The following OPCML variants were observed in gnomAD, a reference collection of about 807,000 sequenced individuals.
The protein encoded by OPCML is opioid-binding protein/cell adhesion molecule.
A neutral mutation model predicts 37.8 loss-of-function variants in OPCML; 13 were observed. That is an observed-to-expected ratio of 0.34 (90% CI 0.22 to 0.55). The LOEUF (loss-of-function observed/expected upper bound fraction) is 0.55, where lower values mean the gene tolerates loss of function less well. OPCML is among the 20% of genes least tolerant of loss of function. The pLI, the probability that OPCML is intolerant of heterozygous loss-of-function variation, is 0.91. For synonymous variants in OPCML, 176 were observed against 168.8 expected, an observed-to-expected ratio of 1.04 and a Z score of -0.33; for missense variants, 341 against 435.6, an observed-to-expected ratio of 0.78 and a Z score of 1.93.
chr11:133,413,745 C>T (rs904047062), intron 1 of OPCML, among the ~76,000 whole-genome samples: 2 of 152,140 alleles, frequency 1.3e-5, no homozygotes, highest in African/African-American at 4.8e-5. Context: ...ACTTTATGCT[C>T]CTAGAACTGT....
At chr11:133,200,331 G>T (rs908055801) in intron 1 of OPCML, among the ~76,000 whole-genome samples, 8 of 152,142 alleles carry the variant, frequency 5.3e-5, no homozygotes, top group Non-Finnish European at 1.0e-4. Context: ...TTATTTGGGG[G>T]CAGAAGAGAA....
At chr11:132,798,586 G>A (rs983169745) in intron 2 of OPCML, among the ~76,000 whole-genome samples, 4 of 152,198 alleles carry the variant, frequency 2.6e-5, no homozygotes, top group South Asian at 2.1e-4. Flanking sequence ...TGCTGTTTCA[G>A]CACATTTGCA....
rs551143442 is a variant in OPCML at position 133,063,345 on chromosome 11, C to T, written c.62-120335G>A. ...TTAAACCCAACAGACTAGACAGCCT[C>T]CCATGGGGTCAGAAAGGAGGAAAGC... is the stretch of plus-strand genomic sequence containing the variant. On this transcript the variant is annotated intron_variant, in intron 1 of 7. Coordinates refer to ENST00000524381, the MANE Select transcript of OPCML (RefSeq NM_001012393.5). Among the ~76,000 whole-genome samples the T allele has an allele frequency of 9.5e-4, 144 of 152,258 alleles. 2 individuals carry two copies. The highest frequency in any genetic ancestry group is 4.0e-4 in the Non-Finnish European group (27 of 68,028).
At chr11:132,539,554 C>T (rs2096350426) in intron 3 of OPCML, among the ~76,000 whole-genome samples, 1 of 151,740 alleles carries the variant, frequency 6.6e-6, no homozygotes, top group South Asian at 2.1e-4. Context: ...TGATGAAGAT[C>T]ATGGTACTGA....
In OPCML at chr11:133,006,701, G is replaced by A. The variant is rs150430619; in HGVS notation, c.62-63691C>T. 442 of 985,422 alleles carry A rather than the reference G, an allele frequency of 4.5e-4. 2 individuals carry two copies. In the African/African-American group the frequency reaches 7.2e-3, roughly 16 times the overall value. 61.0% of individuals were successfully genotyped at this position (985,422 alleles called of 1,614,324 possible). Reference sequence around the variant, plus strand: ...CATGTCTGCCACTTCCACTTTTTCTGCTAGAATTGTTCCAGCACCTTTCTG... The same window carrying A: ...CATGTCTGCCACTTCCACTTTTTCTACTAGAATTGTTCCAGCACCTTTCTG... On this transcript the variant is annotated intron_variant, in intron 1 of 7. Coordinates refer to ENST00000524381, the MANE Select transcript of OPCML (RefSeq NM_001012393.5).
At chr11:132,832,107 T>C (rs1240263928) in intron 2 of OPCML, among the ~76,000 whole-genome samples, 1 of 152,098 alleles carries the variant, frequency 6.6e-6, no homozygotes, top group Non-Finnish European at 1.5e-5. Flanking sequence ...CACAGCCTTC[T>C]ACCTGCAAGG....
At position 133,206,720 on chromosome 11, in the gene OPCML, A is replaced by G. The variant is rs2136330646; in HGVS notation, c.62-263710T>C. On this transcript the variant is annotated intron_variant, in intron 1 of 7. Transcript: ENST00000524381. The surrounding 1 kb of genome is among the most constrained non-coding windows in gnomAD (Gnocchi z 4.7). ...GTGTATCCTGGTGTGCTTGTTTACC[A>G]GCTGTGACCCACTGGTCTAAAATGG... Among the ~76,000 whole-genome samples the G allele has an allele frequency of 6.6e-6, 1 of 152,282 alleles. No individual in the cohort carries two copies. The highest frequency in any genetic ancestry group is 1.9e-4 in the East Asian group (1 of 5,170).
At chr11:133,476,854 C>G (rs1947251023) in intron 1 of OPCML, among the ~76,000 whole-genome samples, 1 of 152,304 alleles carries the variant, frequency 6.6e-6, no homozygotes, top group East Asian at 1.9e-4. Flanking sequence ...TATAAAACCT[C>G]CTCCCAGGAA....
rs1407139383 is a variant in OPCML at position 133,385,476 on chromosome 11, C to A, written c.61+146788G>T. 2.0e-5 allele frequency among the ~76,000 whole-genome samples: 3 copies of A among 152,274 alleles called. No homozygotes were observed. In the East Asian group the frequency reaches 5.8e-4, roughly 29 times the overall value. ...GGCTTGGTCGTCCGGCAGACAAGAG[C>A]TCAAGCCGAGAAAAACACTCCAGGG... On this transcript the variant is annotated intron_variant, in intron 1 of 7. Transcript: ENST00000524381.
At chr11:133,479,092 A>C (rs1368131343) in intron 1 of OPCML, among the ~76,000 whole-genome samples, 4 of 152,246 alleles carry the variant, frequency 2.6e-5, no homozygotes, top group Non-Finnish European at 5.9e-5. Context: ...TGTAGCGTTT[A>C]GCACAATTCT....
intron 1 of OPCML, among the ~76,000 whole-genome samples, chr11:133,224,791 C>T (rs531330328): frequency 6.6e-6 from 1 of 152,326 alleles, no homozygotes; most frequent in South Asian, 2.1e-4. Flanking sequence ...GGGGTCCTAC[C>T]AGTAATTAAC....
rs377341278 is a variant in OPCML, at chr11:132,628,843, C to G, written c.379+28244G>C. Among the ~76,000 whole-genome samples, 128 of 152,260 alleles carry G rather than the reference C, an allele frequency of 8.4e-4. 4 individuals carry two copies. The South Asian group carries it at 0.026, about 31-fold the overall frequency. On this transcript the variant is annotated intron_variant, in intron 3 of 7. Transcript: ENST00000524381. The stretch of plus-strand genomic sequence containing the variant: ...CTGGTTTTATAAGCAGCTTTTCCGT[C>G]TTTGCTTGGCACTTCTTGCTGCTGC...
In OPCML at chr11:132,436,211, C is replaced by T. The variant is rs1289824102; in HGVS notation, c.791G>A (p.Arg264Lys). 1 of 1,614,174 alleles carries T rather than the reference C, an allele frequency of 6.2e-7. No homozygotes were observed. Among genetic ancestry groups the T allele is most frequent in the South Asian group, 1.1e-5 (1 of 91,088 alleles). The change falls in exon 7 of 8, where the codon AGG (arginine) becomes AAG (lysine). Residue 264 changes from arginine to lysine, a missense_variant. Physicochemically the swap from Arg to Lys is conservative, Grantham distance 26. Transcript: ENST00000524381. ...TRLATGLDGMRIENKGRMSTL... is the reference protein window; with the variant it reads ...TRLATGLDGMKIENKGRMSTL... ...GGACATGCGGCCTTTGTTTTCAATC[C>T]TCATTCCATCCAGACCAGTGGCTAA...
chr11:132,661,707 T>C lies in OPCML; in HGVS notation c.147-4388A>G, dbSNP rs527758406. On this transcript the variant is annotated intron_variant, in intron 2 of 7. Coordinates refer to ENST00000524381, the MANE Select transcript of OPCML (RefSeq NM_001012393.5). ...TACATTCCAAGCTAACCCTACCTAC[T>C]GATCCTTGATAAAACAGAACTCATT... Among the ~76,000 whole-genome samples, 11 of 152,358 alleles carry C rather than the reference T, an allele frequency of 7.2e-5. No homozygotes were observed. In the South Asian group the frequency reaches 2.1e-3, roughly 29 times the overall value.
At chr11:132,600,894 C>T (rs1937834125) in intron 3 of OPCML, among the ~76,000 whole-genome samples, 1 of 116,096 alleles carries the variant, frequency 8.6e-6, no homozygotes, top group South Asian at 2.8e-4. Context: ...ATTGCTTAGG[C>T]TGGACTTGAA....
chr11:133,151,402 G>T (rs1949983659), intron 1 of OPCML, among the ~76,000 whole-genome samples: 1 of 152,034 alleles, frequency 6.6e-6, no homozygotes. Context: ...CCCTTTGGCT[G>T]CTGGAGATGC....
chr11:133,353,783 T>G (rs1944197749), intron 1 of OPCML, among the ~76,000 whole-genome samples: 1 of 152,214 alleles, frequency 6.6e-6, no homozygotes, highest in African/African-American at 2.4e-5. Flanking sequence ...TGTAAGCTTT[T>G]GGACGATGTA....
chr11:132,976,037 T>G (rs1009047112), intron 1 of OPCML, among the ~76,000 whole-genome samples: 1 of 152,228 alleles, frequency 6.6e-6, no homozygotes, highest in African/African-American at 2.4e-5. Context: ...AGCTATCTCT[T>G]GAAACATAAG....
intron 1 of OPCML, among the ~76,000 whole-genome samples, chr11:133,305,225 G>C (rs1942883791): frequency 6.6e-6 from 1 of 152,198 alleles, no homozygotes; most frequent in Non-Finnish European, 1.5e-5. Context: ...GACTGTCTTA[G>C]AGGGATGTAA....
Sources: allele counts gnomAD v4.1 joint callset (sites outside exome capture counted in the v4.1 genomes callset), GRCh38; gene constraint gnomAD v4.1.1; non-coding constraint Gnocchi (gnomAD v3.1); transcripts MANE v1.5; gene names NCBI Gene and HGNC (gene_info 2026-07-23, HGNC 2026-07-21).